NDST4: variants seen among roughly 807,000 people sequenced by gnomAD.
NDST4 encodes the protein N-heparan sulfate sulfotransferase 4.
NDST4 carries 63 observed loss-of-function variants against 100.8 expected under a neutral mutation model. The observed-to-expected ratio is 0.62, with a 90% CI of 0.51 to 0.77. The LOEUF (loss-of-function observed/expected upper bound fraction) is 0.77, where lower values mean the gene tolerates loss of function less well. Among genes scored for constraint, NDST4 ranks in the 30% least tolerant of loss-of-function variants. NDST4 has a pLI of 0.00. For synonymous variants in NDST4, 377 were observed against 361.8 expected, an observed-to-expected ratio of 1.04 and a Z score of -0.48; for missense variants, 943 against 1,018.4, an observed-to-expected ratio of 0.93 and a Z score of 1.01.
At chr4:115,061,257 G>C (rs937778138) in intron 2 of NDST4, among the ~76,000 whole-genome samples, 3 of 152,034 alleles carry the variant, frequency 2.0e-5, no homozygotes, top group Non-Finnish European at 4.4e-5. Context: ...ATTTGACTCA[G>C]CAATCCCATT....
At chr4:115,025,849 T>C (rs1453753382) in intron 2 of NDST4, among the ~76,000 whole-genome samples, 1 of 152,188 alleles carries the variant, frequency 6.6e-6, no homozygotes, top group Non-Finnish European at 1.5e-5. Context: ...ATTTTATTGA[T>C]AAGAATTATG....
intron 2 of NDST4, among the ~76,000 whole-genome samples, chr4:115,072,252 T>C (rs1729093150): frequency 6.6e-6 from 1 of 152,044 alleles, no homozygotes. Flanking sequence ...GTAGAAAAAT[T>C]AATATTGTTG....
At chr4:115,095,120 G>A (rs1729594211) in intron 1 of NDST4, among the ~76,000 whole-genome samples, 1 of 152,058 alleles carries the variant, frequency 6.6e-6, no homozygotes, top group South Asian at 2.1e-4. Flanking sequence ...CATGATCACT[G>A]CTGTAGGTAT....
At chr4:114,855,331 C>T (rs115228999) in intron 7 of NDST4, among the ~76,000 whole-genome samples, 454 of 152,256 alleles carry the variant, frequency 3.0e-3, no homozygotes, top group African/African-American at 8.6e-3. Context: ...TGGGGTATTG[C>T]TTAAGAAATC....
At chr4:115,093,955 G>T (rs1729571462) in intron 1 of NDST4, among the ~76,000 whole-genome samples, 1 of 151,738 alleles carries the variant, frequency 6.6e-6, no homozygotes, top group Admixed American at 6.6e-5. Context: ...ATTCAGATAA[G>T]AAATACAATA....
chr4:115,030,446 C>G (rs1429723759), intron 2 of NDST4, among the ~76,000 whole-genome samples: 1 of 152,030 alleles, frequency 6.6e-6, no homozygotes, highest in East Asian at 1.9e-4. Flanking sequence ...AATTCTCACC[C>G]ACACAAAAAT....
rs59852464 is a variant in NDST4, at chr4:114,984,683, T to C, written c.979-7409A>G. Among the ~76,000 whole-genome samples the C allele has an allele frequency of 7.2e-4, 109 of 152,228 alleles. 3 individuals are homozygous for C. In the East Asian group the frequency reaches 0.021, roughly 29 times the overall value. ...GGAAAGATTAAATAGTCCACCCAGA[T>C]AACACAAGAAGAAGACCAAAATTGA... On this transcript the variant is annotated intron_variant, in intron 2 of 13. Transcript: ENST00000264363.
At chr4:115,014,710 G>C (rs561275840) in intron 2 of NDST4, among the ~76,000 whole-genome samples, 1 of 152,120 alleles carries the variant, frequency 6.6e-6, no homozygotes, top group South Asian at 2.1e-4. Flanking sequence ...GTTTTTGGCA[G>C]GCCCCTTTAA....
chr4:114,908,936 T>C (rs1221413717), intron 6 of NDST4, among the ~76,000 whole-genome samples: 1 of 152,138 alleles, frequency 6.6e-6, no homozygotes, highest in Non-Finnish European at 1.5e-5. Context: ...TAACATGAAA[T>C]GTGTGCCAAT....
chr4:115,018,151 A>G (rs1727730600), intron 2 of NDST4, among the ~76,000 whole-genome samples: 1 of 151,950 alleles, frequency 6.6e-6, no homozygotes, highest in African/African-American at 2.4e-5. Flanking sequence ...TATAATTATA[A>G]ATGAAATGAA....
At chr4:114,897,938 T>C (rs1479408479) in intron 6 of NDST4, among the ~76,000 whole-genome samples, 1 of 152,188 alleles carries the variant, frequency 6.6e-6, no homozygotes, top group Non-Finnish European at 1.5e-5. Context: ...TTTTAAGAAA[T>C]CTTTGTAATA....
chr4:114,900,586 T>C lies in NDST4; in HGVS notation c.1537-29636A>G, dbSNP rs549140668. ...CACTGTGTTACAATTGCCTACAGTA[T>C]TCAGCTCAGCAATATGCTGTGTAGG... is the stretch of plus-strand genomic sequence containing the variant. On this transcript the variant is annotated intron_variant, in intron 6 of 13. Coordinates refer to ENST00000264363, the MANE Select transcript of NDST4 (RefSeq NM_022569.3). 5.3e-5 allele frequency among the ~76,000 whole-genome samples: 8 copies of C among 152,298 alleles called. No individual in the cohort carries two copies. In the South Asian group the frequency reaches 1.7e-3, roughly 32 times the overall value.
At chr4:115,003,356 A>T (rs918929276) in intron 2 of NDST4, among the ~76,000 whole-genome samples, 1 of 152,164 alleles carries the variant, frequency 6.6e-6, no homozygotes, top group Non-Finnish European at 1.5e-5. Flanking sequence ...CAGTGATCTT[A>T]TATATTTTGT....
intron 10 of NDST4, among the ~76,000 whole-genome samples, chr4:114,844,204 A>G (rs1006944634): frequency 6.6e-6 from 1 of 152,204 alleles, no homozygotes; most frequent in Non-Finnish European, 1.5e-5. Context: ...GTCTATTGCA[A>G]TAGCTTCAAG....
rs1729206761 is a variant in NDST4 at position 115,077,167 on chromosome 4, T to C, written c.-131A>G. ...AACCATCGCAAATCATGTAAAATGT[T>C]TGAAGGGAGCACAACTGAGTTAAAG... is the stretch of plus-strand genomic sequence containing the variant. On this transcript the variant is annotated 5_prime_UTR_variant, in exon 2 of 14. Coordinates refer to ENST00000264363, the MANE Select transcript of NDST4 (RefSeq NM_022569.3). 5.8e-6 allele frequency: 5 copies of C among 868,588 alleles called. No individual in the cohort carries two copies. The highest frequency in any genetic ancestry group is 8.6e-6 in the Non-Finnish European group (5 of 583,382). The allele number at this position is 868,588 out of a possible 1,614,324, so 53.8% of individuals were successfully genotyped here. A position where few individuals can be genotyped will look rare whatever the true frequency, so the allele number is the denominator to read the frequency against.
intron 2 of NDST4, among the ~76,000 whole-genome samples, chr4:114,997,555 A>G (rs543101084): frequency 3.3e-5 from 5 of 152,088 alleles, no homozygotes; most frequent in Non-Finnish European, 5.9e-5. Flanking sequence ...ATATTGAAGC[A>G]TAAATATTAC....
At chr4:114,928,683 G>T (rs1423843988) in intron 6 of NDST4, among the ~76,000 whole-genome samples, 1 of 152,148 alleles carries the variant, frequency 6.6e-6, no homozygotes, top group Non-Finnish European at 1.5e-5. Context: ...CACAACCCCT[G>T]TATTGGGTAA....
intron 2 of NDST4, among the ~76,000 whole-genome samples, chr4:115,005,685 C>T (rs1727396873): frequency 6.6e-6 from 1 of 152,070 alleles, no homozygotes; most frequent in East Asian, 1.9e-4. Flanking sequence ...AGACTAGAGG[C>T]ATCCTAGAGG....
At chr4:114,832,362 C>A (rs901691251) in intron 12 of NDST4, among the ~76,000 whole-genome samples, 1 of 152,152 alleles carries the variant, frequency 6.6e-6, no homozygotes, top group Admixed American at 6.5e-5. Flanking sequence ...ATTGCTGGTT[C>A]TAATCTGCTG....
Sources: allele counts gnomAD v4.1 joint callset (sites outside exome capture counted in the v4.1 genomes callset), GRCh38; gene constraint gnomAD v4.1.1; transcripts MANE v1.5; gene names NCBI Gene and HGNC (gene_info 2026-07-23, HGNC 2026-07-21).